LRRC37A2: variants seen among roughly 807,000 people sequenced by gnomAD.
The protein encoded by LRRC37A2 is leucine-rich repeat-containing protein 37A2.
Under a neutral mutation model 68.8 loss-of-function variants are expected in LRRC37A2, and 9 were observed. That is an observed-to-expected ratio of 0.13 (90% CI 0.08 to 0.23). The LOEUF (loss-of-function observed/expected upper bound fraction) is 0.23, where lower values mean the gene tolerates loss of function less well. LRRC37A2 is among the 10% of genes least tolerant of loss of function. The pLI is 1.00. For missense variants in LRRC37A2, 168 were observed against 950.4 expected, an observed-to-expected ratio of 0.18 and a Z score of 10.82; for synonymous variants, 63 against 367.6, an observed-to-expected ratio of 0.17 and a Z score of 9.48.
chr17:47,022,544 T>A, the LRRC37A2 span, among the ~76,000 whole-genome samples: 1 of 152,132 alleles, frequency 6.6e-6, no homozygotes, highest in Non-Finnish European at 1.5e-5. Flanking sequence ...TACTCCCTCA[T>A]CCCTGAAGTA....
chr17:46,780,122 C>T, the LRRC37A2 span, among the ~76,000 whole-genome samples: 2 of 152,252 alleles, frequency 1.3e-5, no homozygotes, highest in South Asian at 4.1e-4. Flanking sequence ...GCTGCATTGA[C>T]TTACGCACCT....
At chr17:46,917,924 CAG>C in the LRRC37A2 span, among the ~76,000 whole-genome samples, 1 of 152,220 alleles carries the variant, frequency 6.6e-6, no homozygotes, top group Non-Finnish European at 1.5e-5. Flanking sequence ...TGGACCCAGA[CAG>C]AAAGCGATGG....
chr17:46,497,639 G>A, the LRRC37A2 span, among the ~76,000 whole-genome samples: 1 of 150,318 alleles, frequency 6.7e-6, no homozygotes. Flanking sequence ...CACTTTCAAT[G>A]TATGTAGATA....
At chr17:46,900,202 T>TATACATACATATATATATACACACACAC in the LRRC37A2 span, among the ~76,000 whole-genome samples, 89 of 101,054 alleles carry the variant, frequency 8.8e-4, no homozygotes, top group African/African-American at 4.4e-3. Flanking sequence ...TATATATATA[T>TATACATACATATATATATACACACACAC]ACACACACAC....
the LRRC37A2 span, among the ~76,000 whole-genome samples, chr17:46,784,265 A>T: frequency 6.6e-6 from 1 of 152,202 alleles, no homozygotes; most frequent in Admixed American, 6.6e-5. Flanking sequence ...GATGGTGTCC[A>T]CCAAGATGGG....
At chr17:46,874,896 G>T in the LRRC37A2 span, 1 of 770,648 alleles carries the variant, frequency 1.3e-6, no homozygotes, top group Non-Finnish European at 2.2e-6. Flanking sequence ...CCATTTAAAT[G>T]GCAACTTGCA....
At chr17:46,754,458 C>T in the LRRC37A2 span, among the ~76,000 whole-genome samples, 1 of 152,112 alleles carries the variant, frequency 6.6e-6, no homozygotes, top group Admixed American at 6.5e-5. Context: ...TCTTGGGAAA[C>T]AGACTCCTGC....
the LRRC37A2 span, chr17:46,940,149 T>C: frequency 7.7e-7 from 1 of 1,306,868 alleles, no homozygotes; most frequent in Non-Finnish European, 9.8e-7. Flanking sequence ...TGCTCTGTAG[T>C]CATGTTGGTC....
the LRRC37A2 span, chr17:46,937,991 G>A: frequency 0.058 from 9,263 of 158,718 alleles, 387 homozygotes; most frequent in Non-Finnish European, 0.087. Context: ...CCTTAGCCTC[G>A]CAAGTAGCTA....
chr17:46,755,674 CA>C, the LRRC37A2 span: 4 of 1,031,856 alleles, frequency 3.9e-6, no homozygotes, highest in Non-Finnish European at 4.2e-6. Context: ...CATCTAATAG[CA>C]AATGCATAGT....
chr17:46,818,468 CG>C, the LRRC37A2 span: 1 of 1,559,440 alleles, frequency 6.4e-7, no homozygotes, highest in Non-Finnish European at 8.7e-7. Flanking sequence ...CCACCTTCCC[CG>C]GACGCGGCGG....
the LRRC37A2 span, among the ~76,000 whole-genome samples, chr17:46,502,708 G>A: frequency 6.6e-6 from 1 of 151,338 alleles, no homozygotes; most frequent in Non-Finnish European, 1.5e-5. Flanking sequence ...AAGGCCTAAG[G>A]CACCTGTGAG....
At chr17:46,726,659 A>G in the LRRC37A2 span, 1 of 1,500,980 alleles carries the variant, frequency 6.7e-7, no homozygotes, top group Non-Finnish European at 9.3e-7. Flanking sequence ...GCCACATTAC[A>G]GCTAATATCT....
the LRRC37A2 span, among the ~76,000 whole-genome samples, chr17:46,839,963 TCTTTCTTTCTTTCTC>T: frequency 6.8e-6 from 1 of 147,974 alleles, no homozygotes; most frequent in Admixed American, 6.7e-5. Flanking sequence ...TTTCTTTCTT[TCTTTCTTTCTTTCTC>T]TTCTTTCTTT....
the LRRC37A2 span, among the ~76,000 whole-genome samples, chr17:46,394,631 T>C: frequency 1.3e-5 from 1 of 77,252 alleles, no homozygotes; most frequent in Admixed American, 1.3e-4. Flanking sequence ...CTTTTTTTTT[T>C]TTTTTTTTAA....
chr17:46,734,776 G>T, the LRRC37A2 span, among the ~76,000 whole-genome samples: 1 of 152,112 alleles, frequency 6.6e-6, no homozygotes, highest in Non-Finnish European at 1.5e-5. Flanking sequence ...AGTGAAATAG[G>T]CCAGACATTG....
At chr17:46,989,548 C>G in the LRRC37A2 span, among the ~76,000 whole-genome samples, 1 of 152,218 alleles carries the variant, frequency 6.6e-6, no homozygotes, top group African/African-American at 2.4e-5. Flanking sequence ...TGATGATTAG[C>G]TCAGGGACAG....
the LRRC37A2 span, among the ~76,000 whole-genome samples, chr17:46,799,630 T>A: frequency 6.6e-6 from 1 of 151,966 alleles, no homozygotes; most frequent in Non-Finnish European, 1.5e-5. Flanking sequence ...GTATTTTTAG[T>A]AGAGACAGAG....
the LRRC37A2 span, chr17:47,017,871 C>T: frequency 1.2e-6 from 2 of 1,611,826 alleles, no homozygotes; most frequent in Non-Finnish European, 1.7e-6. Context: ...AACTCAAAAT[C>T]CAGAGACCCT....
Sources: allele counts gnomAD v4.1 joint callset (sites outside exome capture counted in the v4.1 genomes callset), GRCh38; gene constraint gnomAD v4.1.1; transcripts MANE v1.5; gene names NCBI Gene and HGNC (gene_info 2026-07-23, HGNC 2026-07-21).